Variants in CTNNBL1 observed in about 807,000 individuals in gnomAD.
CTNNBL1 encodes the protein catenin beta like 1, also known as beta-catenin-like protein 1.
In CTNNBL1, 31 loss-of-function variants were observed where a neutral mutation model predicts 72.7. The observed-to-expected ratio is 0.43, with a 90% CI of 0.32 to 0.58. The LOEUF (loss-of-function observed/expected upper bound fraction) is 0.58. CTNNBL1 is among the 20% of genes least tolerant of loss of function. The pLI, the probability that CTNNBL1 is intolerant of heterozygous loss-of-function variation, is 0.08. For missense variants in CTNNBL1, 534 were observed against 725.1 expected (o/e 0.74, Z 3.03); for synonymous variants, 240 against 267.3 (o/e 0.90, Z 1.00).
rs544627429 is a variant in CTNNBL1 at position 37,718,548 on chromosome 20, G to A, written c.31-14331G>A. On this transcript the variant is annotated intron_variant, in intron 1 of 15. Coordinates refer to ENST00000361383, the MANE Select transcript of CTNNBL1 (RefSeq NM_030877.5). ...CCAGTAGGGGCGGCCGGGCAGAGGC[G>A]CCCCTCACCTCCCCGACAGGGCGGA... is the stretch of plus-strand genomic sequence containing the variant. Among the ~76,000 whole-genome samples, 244 of 137,800 alleles carry A rather than the reference G, an allele frequency of 1.8e-3. 3 individuals carry two copies. The highest frequency in any genetic ancestry group is 6.3e-3 in the African/African-American group (228 of 36,224). The allele number at this position is 137,800 out of a possible 152,430, so 90.4% of individuals were successfully genotyped here.
At chr20:37,727,705 A>T (rs1294685440) in intron 1 of CTNNBL1, among the ~76,000 whole-genome samples, 1 of 152,256 alleles carries the variant, frequency 6.6e-6, no homozygotes, top group Non-Finnish European at 1.5e-5. Flanking sequence ...GGTGACTGGT[A>T]AGAATGGCTT....
chr20:37,761,479 T>C (rs1392529314), intron 5 of CTNNBL1, among the ~76,000 whole-genome samples: 1 of 152,244 alleles, frequency 6.6e-6, no homozygotes, highest in African/African-American at 2.4e-5. Flanking sequence ...ACTATGAAAA[T>C]TCCTGGATTC....
At chr20:37,783,046 C>T (rs559677491) in intron 10 of CTNNBL1, among the ~76,000 whole-genome samples, 78 of 152,212 alleles carry the variant, frequency 5.1e-4, no homozygotes, top group African/African-American at 1.8e-3. Context: ...CCCAAAGGTT[C>T]CCTTGCATGC....
intron 1 of CTNNBL1, among the ~76,000 whole-genome samples, chr20:37,698,159 A>G (rs1478105721): frequency 1.3e-5 from 2 of 152,236 alleles, no homozygotes; most frequent in Non-Finnish European, 2.9e-5. Flanking sequence ...TGGTTGCACA[A>G]TAAGGAACTA....
intron 10 of CTNNBL1, among the ~76,000 whole-genome samples, chr20:37,795,221 G>C (rs951970066): frequency 1.1e-4 from 17 of 150,364 alleles, no homozygotes; most frequent in African/African-American, 4.2e-4. Context: ...TGAAGCCTCT[G>C]CCTCCTCCTC....
chr20:37,857,164 CATGATT>C (rs1442882389), intron 13 of CTNNBL1, among the ~76,000 whole-genome samples: 1 of 152,204 alleles, frequency 6.6e-6, no homozygotes, highest in Non-Finnish European at 1.5e-5. Context: ...AGCAGGAAGT[CATGATT>C]ATGAGCAAAT....
At chr20:37,825,485 C>T (rs1386579585) in intron 11 of CTNNBL1, among the ~76,000 whole-genome samples, 1 of 151,578 alleles carries the variant, frequency 6.6e-6, no homozygotes, top group African/African-American at 2.4e-5. Flanking sequence ...GACAAGCCTG[C>T]CCAACGTGGT....
At chr20:37,749,465 A>T (rs114047384) in intron 4 of CTNNBL1, among the ~76,000 whole-genome samples, 134 of 152,236 alleles carry the variant, frequency 8.8e-4, no homozygotes, top group African/African-American at 2.9e-3. Context: ...CTGGTCTTTA[A>T]AAAGGGAAAA....
intron 13 of CTNNBL1, among the ~76,000 whole-genome samples, chr20:37,855,650 C>T (rs1158290033): frequency 6.6e-6 from 1 of 152,194 alleles, no homozygotes; most frequent in Non-Finnish European, 1.5e-5. Flanking sequence ...ATGCACTCTA[C>T]CTGCCTCTCG....
At chr20:37,712,697 T>C (rs2072949533) in intron 1 of CTNNBL1, among the ~76,000 whole-genome samples, 1 of 152,266 alleles carries the variant, frequency 6.6e-6, no homozygotes, top group African/African-American at 2.4e-5. Context: ...CTCTGCTGTC[T>C]CTGCTGGATC....
chr20:37,858,601 TGG>T (rs11475640), intron 13 of CTNNBL1, among the ~76,000 whole-genome samples: 1 of 151,548 alleles, frequency 6.6e-6, no homozygotes, highest in Non-Finnish European at 1.5e-5. Context: ...GGATTGGGGT[TGG>T]GGGATGGTAA....
At chr20:37,808,837 A>G (rs142497208) in intron 11 of CTNNBL1, among the ~76,000 whole-genome samples, 1 of 152,140 alleles carries the variant, frequency 6.6e-6, no homozygotes, top group Non-Finnish European at 1.5e-5. Flanking sequence ...GTTCAAAACC[A>G]TATCCATTCC....
In CTNNBL1 at chr20:37,758,959, T is replaced by C. The variant is rs55683962; in HGVS notation, c.564+1303T>C. 6.9e-3 allele frequency among the ~76,000 whole-genome samples: 1,044 copies of C among 152,050 alleles called. 6 individuals are homozygous for C. Among genetic ancestry groups the C allele is most frequent in the Non-Finnish European group, 0.01 (708 of 67,944 alleles). On this transcript the variant is annotated intron_variant, in intron 5 of 15. Coordinates refer to ENST00000361383, the MANE Select transcript of CTNNBL1 (RefSeq NM_030877.5). ...CCCTTTCTCATAATGTTCTCGACAC[T>C]AGAAATTTCCCATGTGCCGTGCTTG...
intron 7 of CTNNBL1, 42 bp from the exon 8 acceptor site, chr20:37,777,303 A>G: frequency 6.6e-7 from 1 of 1,503,842 alleles, no homozygotes; most frequent in South Asian, 1.1e-5. Flanking sequence ...GAAGGAAGCA[A>G]GACCCCTTAA....
chr20:37,730,687 G>A (rs1159262540), intron 1 of CTNNBL1, among the ~76,000 whole-genome samples: 1 of 152,166 alleles, frequency 6.6e-6, no homozygotes, highest in Non-Finnish European at 1.5e-5. Flanking sequence ...ATTGTAAAAG[G>A]CAAAATGAGC....
At chr20:37,790,098 A>C (rs1000877180) in intron 10 of CTNNBL1, among the ~76,000 whole-genome samples, 2 of 152,262 alleles carry the variant, frequency 1.3e-5, no homozygotes, top group Non-Finnish European at 2.9e-5. Context: ...ACCCTAAAGA[A>C]AAATGTCTCT....
chr20:37,727,523 T>A, intron 1 of CTNNBL1: 1 of 168,282 alleles, frequency 5.9e-6, no homozygotes, highest in Non-Finnish European at 1.2e-5. Context: ...TAGAAGATTG[T>A]AAAAACCCTT....
intron 1 of CTNNBL1, among the ~76,000 whole-genome samples, chr20:37,707,915 T>C (rs1037245018): frequency 6.8e-5 from 10 of 146,746 alleles, no homozygotes; most frequent in African/African-American, 2.5e-4. Context: ...TCTCAGAGAA[T>C]AGGGAGACCT....
intron 9 of CTNNBL1, among the ~76,000 whole-genome samples, chr20:37,778,672 A>G (rs963377802): frequency 3.3e-5 from 5 of 152,190 alleles, no homozygotes; most frequent in African/African-American, 1.2e-4. Context: ...TTGTCAGGAA[A>G]TGCTTCCTTA....
Sources: gnomAD v4.1 joint callset for allele counts (sites outside exome capture counted in the v4.1 genomes callset) on GRCh38, gnomAD v4.1.1 for gene constraint, MANE v1.5 for transcripts, NCBI Gene and HGNC (gene_info 2026-07-23, HGNC 2026-07-21) for gene names.